Variants in PCDHGA5 observed in about 807,000 individuals in gnomAD.
The protein encoded by PCDHGA5 is protocadherin gamma-A5.
In PCDHGA5, 36 loss-of-function variants were observed where a neutral mutation model predicts 56.7. The observed-to-expected ratio is 0.64, with a 90% CI of 0.49 to 0.84. The LOEUF (loss-of-function observed/expected upper bound fraction) is 0.84. Ranked by LOEUF, PCDHGA5 falls within the 40% of genes least tolerant of loss-of-function variation. The pLI, the probability that PCDHGA5 is intolerant of heterozygous loss-of-function variation, is 0.00. For synonymous variants in PCDHGA5, 563 were observed against 520.2 expected (o/e 1.08, Z -1.12); for missense variants, 1,305 against 1,201.5 (o/e 1.09, Z -1.27).
chr5:141,408,824 C>T, intron 1 of PCDHGA5: 1 of 1,613,560 alleles, frequency 6.2e-7, no homozygotes, highest in South Asian at 1.1e-5. Context: ...ACAGAGATCT[C>T]ATAGCTTGAT....
At chr5:141,380,599 A>G (rs1427125974) in intron 1 of PCDHGA5, among the ~76,000 whole-genome samples, 3 of 152,234 alleles carry the variant, frequency 2.0e-5, no homozygotes, top group Non-Finnish European at 2.9e-5. Context: ...GATCTTTAAT[A>G]TTTAATTTTA....
rs1421059468 is a variant in PCDHGA5 at position 141,366,264 on chromosome 5, C to A, written c.1934C>A (p.Ala645Asp). Residue 645 changes from alanine to aspartate, a missense_variant, in exon 1 of 4, where the codon GCC becomes GAC. Transcript: ENST00000518069. ...RDALKQSLVV[A>D]VEDHGQPPLS... ...GCGCTCAAGCAGAGCCTCGTGGTGG[C>A]CGTCGAAGACCATGGCCAGCCCCCT... The A allele has an allele frequency of 6.2e-7, 1 of 1,613,686 alleles. No individual in the cohort carries two copies. The highest frequency in any genetic ancestry group is 8.5e-7 in the Non-Finnish European group (1 of 1,180,022).
intron 1 of PCDHGA5, chr5:141,393,413 G>C: frequency 6.2e-7 from 1 of 1,614,046 alleles, no homozygotes; most frequent in Non-Finnish European, 8.5e-7. Flanking sequence ...AGCGCGCCCT[G>C]GACAGGGAGG....
chr5:141,409,180 T>C (rs2095236494), intron 1 of PCDHGA5: 1 of 1,613,848 alleles, frequency 6.2e-7, no homozygotes, highest in Non-Finnish European at 8.5e-7. Flanking sequence ...ACGGAGGTGG[T>C]CTCTCTACCC....
chr5:141,389,303 G>C, intron 1 of PCDHGA5: 3 of 1,614,000 alleles, frequency 1.9e-6, no homozygotes, highest in Non-Finnish European at 2.5e-6. Flanking sequence ...CACAAGTCAG[G>C]GCTTCTGATC....
At chr5:141,446,718 C>G (rs1279970040) in intron 1 of PCDHGA5, among the ~76,000 whole-genome samples, 1 of 152,174 alleles carries the variant, frequency 6.6e-6, no homozygotes, top group Non-Finnish European at 1.5e-5. Flanking sequence ...CTGCCCGCCT[C>G]GGCCTCCCAA....
Position 141,365,921 on chromosome 5 carries a change from T to C in PCDHGA5, c.1591T>C (p.Trp531Arg). Reference protein sequence around the residue: ...DYEQLRDLQLWVTASDSGNPP... With the variant: ...DYEQLRDLQLRVTASDSGNPP... ...TGAGCAGTTGAGAGACCTACAGTTG[T>C]GGGTGACAGCCAGCGACAGTGGGAA... The change falls in exon 1 of 4, where the codon TGG becomes CGG. Residue 531 changes from tryptophan (W) to arginine (R), a missense_variant. By Grantham distance (101) the Trp-to-Arg change is moderately radical. Transcript: ENST00000518069. The C allele has an allele frequency of 3.7e-6, 6 of 1,614,192 alleles. No individual in the cohort carries two copies. In the South Asian group the frequency reaches 5.5e-5, roughly 15 times the overall value.
At chr5:141,380,405 G>A (rs1258156706) in intron 1 of PCDHGA5, among the ~76,000 whole-genome samples, 2 of 152,114 alleles carry the variant, frequency 1.3e-5, no homozygotes, top group African/African-American at 4.8e-5. Flanking sequence ...TAATCAATTC[G>A]ATGCCCAGGA....
intron 1 of PCDHGA5, among the ~76,000 whole-genome samples, chr5:141,452,145 C>T (rs1414317332): frequency 6.6e-6 from 1 of 152,020 alleles, no homozygotes; most frequent in Non-Finnish European, 1.5e-5. Flanking sequence ...GTGTTTTTTC[C>T]AATGAGTTAT....
At chr5:141,419,265 C>T in intron 1 of PCDHGA5, 1 of 1,614,040 alleles carries the variant, frequency 6.2e-7, no homozygotes, top group Non-Finnish European at 8.5e-7. Flanking sequence ...CAGCCGGGTG[C>T]CTCCATAGCG....
chr5:141,366,053 G>T lies in PCDHGA5; in HGVS notation c.1723G>T (p.Val575Leu). 6.2e-7 allele frequency: 1 copy of T among 1,614,252 alleles called. No homozygotes were observed. Among genetic ancestry groups the T allele is most frequent in the Non-Finnish European group, 8.5e-7 (1 of 1,180,054 alleles). The change falls in exon 1 of 4, where the codon GTG (valine) becomes TTG (leucine). Residue 575 changes from valine to leucine, a missense_variant. Physicochemically the swap from Val to Leu is conservative, Grantham distance 32. Coordinates refer to ENST00000518069, the MANE Select transcript of PCDHGA5 (RefSeq NM_018918.3). ...CCTCCCCACAGACGGTTCCACGGGCGTGGAGCTGGCGCCTCGCTCCGCAGA... is the reference window on the plus strand; with the variant it reads ...CCTCCCCACAGACGGTTCCACGGGCTTGGAGCTGGCGCCTCGCTCCGCAGA... Reference protein sequence around the residue: ...PALPTDGSTGVELAPRSAEPG... With the variant: ...PALPTDGSTGLELAPRSAEPG...
intron 1 of PCDHGA5, among the ~76,000 whole-genome samples, chr5:141,482,811 C>T (rs1397161943): frequency 2.0e-5 from 3 of 152,164 alleles, no homozygotes; most frequent in Non-Finnish European, 4.4e-5. Context: ...GTGGCTCATG[C>T]CTGTAATCCT....
chr5:141,394,705 C>T lies in PCDHGA5; in HGVS notation c.2421+27954C>T, dbSNP rs1245348426. 6.2e-7 allele frequency: 1 copy of T among 1,613,256 alleles called. No individual in the cohort carries two copies. The highest frequency in any genetic ancestry group is 1.7e-5 in the Admixed American group (1 of 60,012). ...ACGGGCGAGGTGCGCACGGCGCGAG[C>T]CCTGCTGGACAGAGATGCGCTCAAG... On this transcript the variant is annotated intron_variant, in intron 1 of 3. Coordinates refer to ENST00000518069, the MANE Select transcript of PCDHGA5 (RefSeq NM_018918.3).
At chr5:141,394,373 C>T in intron 1 of PCDHGA5, 12 of 1,614,206 alleles carry the variant, frequency 7.4e-6, no homozygotes, top group Non-Finnish European at 1.0e-5. Context: ...TGCAATCTTT[C>T]GACTATGAGC....
At position 141,366,767 on chromosome 5, in the gene PCDHGA5, C is replaced by T. The variant is rs1286412324; in HGVS notation, c.2421+16C>T. ...GCGAGTTCAGGTTAGTTTTCTCTTT[C>T]GGTAAGGATGACCAGAACATTTTCA... is the stretch of plus-strand genomic sequence containing the variant. On this transcript the variant is annotated intron_variant, in intron 1 of 3. Transcript: ENST00000518069. 8 of 1,601,956 alleles carry T rather than the reference C, an allele frequency of 5.0e-6. No individual in the cohort carries two copies. The highest frequency in any genetic ancestry group is 4.5e-5 in the East Asian group (2 of 44,654).
At chr5:141,378,732 A>G (rs1311282729) in intron 1 of PCDHGA5, 1 of 152,232 alleles carries the variant, frequency 6.6e-6, no homozygotes, top group Admixed American at 6.5e-5. Context: ...CTCTTTATTG[A>G]AATATTTCAA....
chr5:141,449,693 G>A (rs2098652097), intron 1 of PCDHGA5, among the ~76,000 whole-genome samples: 1 of 150,164 alleles, frequency 6.7e-6, no homozygotes, highest in South Asian at 2.1e-4. Flanking sequence ...TTGTGTGTAT[G>A]TACACAAACA....
Position 141,486,170 on chromosome 5 carries a change from C to A in PCDHGA5, c.2422-8637C>A. ...TGGGGGTTCTCCAGCCATGGAGCAACATTGCAGCCTTCGAGTGGATCTGCT... is the reference window on the plus strand; with the variant it reads ...TGGGGGTTCTCCAGCCATGGAGCAAAATTGCAGCCTTCGAGTGGATCTGCT... On this transcript the variant is annotated intron_variant, in intron 1 of 3. Coordinates refer to ENST00000518069, the MANE Select transcript of PCDHGA5 (RefSeq NM_018918.3). This position sits in a 1 kb window ranked among gnomAD's most constrained non-coding sequence, Gnocchi z 5.0. 6.2e-7 allele frequency: 1 copy of A among 1,614,234 alleles called. No homozygotes were observed. Among genetic ancestry groups the A allele is most frequent in the African/African-American group, 1.3e-5 (1 of 75,052 alleles).
At chr5:141,494,364 G>A (rs1461560857) in intron 1 of PCDHGA5, among the ~76,000 whole-genome samples, 1 of 152,202 alleles carries the variant, frequency 6.6e-6, no homozygotes, top group African/African-American at 2.4e-5. Context: ...TGCAGAGGAT[G>A]CTTTGTTCCC....
Sources: allele counts gnomAD v4.1 joint callset (sites outside exome capture counted in the v4.1 genomes callset), GRCh38; gene constraint gnomAD v4.1.1; non-coding constraint Gnocchi (gnomAD v3.1); transcripts MANE v1.5; gene names NCBI Gene and HGNC (gene_info 2026-07-23, HGNC 2026-07-21).